Variants in PDE10A observed in about 807,000 individuals in gnomAD.
The protein encoded by PDE10A is cAMP and cAMP-inhibited cGMP 3',5'-cyclic phosphodiesterase 10A.
A neutral mutation model predicts 97.7 loss-of-function variants in PDE10A; 39 were observed. The observed-to-expected ratio is 0.40, with a 90% CI of 0.31 to 0.52. The LOEUF is 0.52. Among genes scored for constraint, PDE10A ranks in the 20% least tolerant of loss-of-function variants. PDE10A has a pLI of 0.56. For synonymous variants in PDE10A, 371 were observed against 376.8 expected, an observed-to-expected ratio of 0.98 and a Z score of 0.18; for missense variants, 731 against 1,047.8, an observed-to-expected ratio of 0.70 and a Z score of 4.17.
intron 1 of PDE10A, among the ~76,000 whole-genome samples, chr6:165,806,856 A>T (rs1779157230): frequency 6.6e-6 from 1 of 152,202 alleles, no homozygotes; most frequent in Admixed American, 6.5e-5. Flanking sequence ...GTCAATTTGA[A>T]AGGAAGGTTG....
intron 1 of PDE10A, among the ~76,000 whole-genome samples, chr6:165,798,869 G>A (rs542326847): frequency 6.6e-6 from 1 of 152,064 alleles, no homozygotes; most frequent in African/African-American, 2.4e-5. Context: ...CACCACGCCA[G>A]GCTAATTTTG....
intron 1 of PDE10A, among the ~76,000 whole-genome samples, chr6:165,554,367 T>G (rs1328168427): frequency 6.6e-6 from 1 of 152,058 alleles, no homozygotes; most frequent in Non-Finnish European, 1.5e-5. Context: ...TAAATAGACA[T>G]TTCTCAAAAG....
chr6:165,966,974 T>C (rs1784529028), intron 1 of PDE10A, among the ~76,000 whole-genome samples: 1 of 152,228 alleles, frequency 6.6e-6, no homozygotes, highest in African/African-American at 2.4e-5. Flanking sequence ...CACTATGTTG[T>C]TGCTATAAGA....
At chr6:165,619,064 GTAGTGTAGTGTAGTCTAGTGTAGTC>G (rs1787876310) in intron 1 of PDE10A, among the ~76,000 whole-genome samples, 22 of 139,466 alleles carry the variant, frequency 1.6e-4, no homozygotes, top group African/African-American at 5.4e-4. Flanking sequence ...GTGGTGTAGT[GTAGTGTAGTGTAGTCTAGTGTAGTC>G]TAGTGTAGTG....
intron 2 of PDE10A, among the ~76,000 whole-genome samples, chr6:165,525,506 G>A (rs1179547732): frequency 1.3e-5 from 2 of 152,060 alleles, no homozygotes; most frequent in Admixed American, 6.5e-5. Flanking sequence ...ATGGTGGAGT[G>A]GATTAGACAC....
In PDE10A at chr6:165,543,369, T is replaced by C. The variant is rs1439985865; in HGVS notation, c.994+71A>G. On this transcript the variant is annotated intron_variant, in intron 2 of 21. Transcript: ENST00000539869. ...ACTTTATATTTCACACTCTAGAATATATTAAATGCTTAGTCTTTTGCCGTA... is the reference window on the plus strand; with the variant it reads ...ACTTTATATTTCACACTCTAGAATACATTAAATGCTTAGTCTTTTGCCGTA... 1.7e-5 allele frequency: 23 copies of C among 1,320,820 alleles called. No individual in the cohort carries two copies. In the East Asian group the frequency reaches 2.1e-4, roughly 12 times the overall value. The allele number at this position is 1,320,820 out of a possible 1,614,324, so 81.8% of individuals were successfully genotyped here.
chr6:165,939,110 G>A (rs1783431114), intron 1 of PDE10A, among the ~76,000 whole-genome samples: 1 of 152,192 alleles, frequency 6.6e-6, no homozygotes, highest in Admixed American at 6.5e-5. Context: ...TCTAGGAAGT[G>A]CTATTGATTA....
chr6:165,893,194 C>T (rs1055429446), intron 1 of PDE10A, among the ~76,000 whole-genome samples: 4 of 152,234 alleles, frequency 2.6e-5, no homozygotes, highest in Non-Finnish European at 5.9e-5. Context: ...ATAACCACAG[C>T]GCAGTTATCA....
At chr6:165,626,487 G>C (rs1788391894) in intron 1 of PDE10A, among the ~76,000 whole-genome samples, 1 of 152,136 alleles carries the variant, frequency 6.6e-6, no homozygotes, top group Non-Finnish European at 1.5e-5. Context: ...TATTTAAATA[G>C]CAGACTTTCA....
At chr6:165,780,010 A>T (rs1311795393) in intron 1 of PDE10A, among the ~76,000 whole-genome samples, 1 of 152,200 alleles carries the variant, frequency 6.6e-6, no homozygotes, top group Non-Finnish European at 1.5e-5. Flanking sequence ...TCTTGCCTCA[A>T]GTCTAAATGT....
intron 2 of PDE10A, among the ~76,000 whole-genome samples, chr6:165,516,381 A>G (rs1583448646): frequency 6.6e-6 from 1 of 152,298 alleles, no homozygotes; most frequent in East Asian, 1.9e-4. Context: ...CCCCTCCTTA[A>G]TTTATGAGTC....
At chr6:165,847,156 C>T (rs1430756552) in intron 1 of PDE10A, among the ~76,000 whole-genome samples, 1 of 152,198 alleles carries the variant, frequency 6.6e-6, no homozygotes, top group African/African-American at 2.4e-5. Context: ...TAGAGCCAGA[C>T]AGGCTGAAAT....
intron 1 of PDE10A, among the ~76,000 whole-genome samples, chr6:165,902,872 C>T (rs1005927196): frequency 5.9e-5 from 9 of 152,164 alleles, no homozygotes; most frequent in South Asian, 2.1e-4. Context: ...GTCCTGGGTA[C>T]GTGAAGGAAA....
At chr6:165,571,596 C>T (rs1176712206) in intron 1 of PDE10A, among the ~76,000 whole-genome samples, 2 of 152,150 alleles carry the variant, frequency 1.3e-5, no homozygotes, top group Non-Finnish European at 2.9e-5. Context: ...CATTTGTGAC[C>T]TCAGCCACTT....
chr6:165,703,746 C>G (rs141958683), intron 1 of PDE10A, among the ~76,000 whole-genome samples: 18 of 152,346 alleles, frequency 1.2e-4, no homozygotes, highest in African/African-American at 4.3e-4. Flanking sequence ...AAGCTGTGAC[C>G]TGGCCCTCCA....
intron 1 of PDE10A, among the ~76,000 whole-genome samples, chr6:165,746,346 C>G (rs145067254): frequency 3.3e-5 from 5 of 152,190 alleles, no homozygotes; most frequent in Admixed American, 3.3e-4. Context: ...TTTCAAGATT[C>G]TATCAAAGAT....
chr6:165,830,544 C>G (rs1445120439), intron 1 of PDE10A, among the ~76,000 whole-genome samples: 1 of 152,046 alleles, frequency 6.6e-6, no homozygotes, highest in Non-Finnish European at 1.5e-5. Flanking sequence ...TGGGGAGCAG[C>G]CTGCCCTCCA....
chr6:165,338,039 T>G (rs1052793144), intron 20 of PDE10A, among the ~76,000 whole-genome samples: 2 of 152,194 alleles, frequency 1.3e-5, no homozygotes, highest in Non-Finnish European at 2.9e-5. Flanking sequence ...ACTCCATATA[T>G]GGGAAAATTC....
At chr6:165,835,562 G>C (rs1345597647) in intron 1 of PDE10A, among the ~76,000 whole-genome samples, 1 of 152,168 alleles carries the variant, frequency 6.6e-6, no homozygotes, top group Non-Finnish European at 1.5e-5. Context: ...GAGCCCCCAG[G>C]GAAGCCTCCT....
Sources: gnomAD v4.1 joint callset for allele counts (sites outside exome capture counted in the v4.1 genomes callset) on GRCh38, gnomAD v4.1.1 for gene constraint, MANE v1.5 for transcripts, NCBI Gene and HGNC (gene_info 2026-07-23, HGNC 2026-07-21) for gene names.